ZC3HAV1: variants seen among roughly 807,000 people sequenced by gnomAD.
ZC3HAV1 encodes the protein zinc finger CCCH-type containing, antiviral 1, also known as zinc finger CCCH-type antiviral protein 1.
In ZC3HAV1, 41 loss-of-function variants were observed where a neutral mutation model predicts 86.6. That is an observed-to-expected ratio of 0.47 (90% CI 0.37 to 0.61). The LOEUF is 0.61. Ranked by LOEUF, ZC3HAV1 falls within the 20% of genes least tolerant of loss-of-function variation. ZC3HAV1 has a pLI of 0.00. For missense variants in ZC3HAV1, 964 were observed against 1,141.1 expected (o/e 0.84, Z 2.24); for synonymous variants, 421 against 432.1 (o/e 0.97, Z 0.32).
At chr7:139,069,228 G>A (rs1484853746) in intron 7 of ZC3HAV1, among the ~76,000 whole-genome samples, 1 of 152,162 alleles carries the variant, frequency 6.6e-6, no homozygotes, top group Non-Finnish European at 1.5e-5. Context: ...ATGTGTCCTA[G>A]AGAACAGTAC....
At chr7:139,077,012 G>T in intron 5 of ZC3HAV1, among the ~76,000 whole-genome samples, 1 of 151,892 alleles carries the variant, frequency 6.6e-6, no homozygotes, top group Admixed American at 6.5e-5. Flanking sequence ...CCCCCCAAGT[G>T]TATGAAGCCA....
intron 1 of ZC3HAV1, among the ~76,000 whole-genome samples, chr7:139,104,697 T>TG (rs1258938680): frequency 3.0e-5 from 3 of 99,004 alleles, no homozygotes; most frequent in African/African-American, 4.2e-5. Flanking sequence ...CACTCCAGCC[T>TG]GGCAACAGAG....
intron 1 of ZC3HAV1, among the ~76,000 whole-genome samples, chr7:139,104,477 G>T (rs1817867085): frequency 6.6e-6 from 1 of 151,852 alleles, no homozygotes; most frequent in African/African-American, 2.4e-5. Flanking sequence ...ACTTTGGGAG[G>T]CTGAGGTGGG....
chr7:139,060,929 C>T (rs764834146), intron 9 of ZC3HAV1, 107 bp downstream of exon 9: 1 of 1,597,604 alleles, frequency 6.3e-7, no homozygotes, highest in South Asian at 1.1e-5. Context: ...GTAATGCAAA[C>T]AGGAACTTTT....
intron 7 of ZC3HAV1, among the ~76,000 whole-genome samples, chr7:139,068,318 C>T (rs1816668610): frequency 6.6e-6 from 1 of 152,126 alleles, no homozygotes; most frequent in Non-Finnish European, 1.5e-5. Flanking sequence ...CCTCAGCCTC[C>T]CAAAGTGCTG....
Position 139,069,306 on chromosome 7 carries a change from G to A in ZC3HAV1, c.1873-4307C>T, listed in dbSNP as rs188875050. ...CAATTATTTATTCCCCACAAGACTT[G>A]AATTTATGTTTCAGTTGCAGTAAAC... is the stretch of plus-strand genomic sequence containing the variant. On this transcript the variant is annotated intron_variant, in intron 7 of 12. Coordinates refer to ENST00000242351, the MANE Select transcript of ZC3HAV1 (RefSeq NM_020119.4). Among the ~76,000 whole-genome samples, 170 of 152,286 alleles carry A rather than the reference G, an allele frequency of 1.1e-3. 1 individual carries two copies. The highest frequency in any genetic ancestry group is 3.8e-3 in the African/African-American group (160 of 41,572).
intron 12 of ZC3HAV1, among the ~76,000 whole-genome samples, chr7:139,050,952 T>A (rs76560371): frequency 0.024 from 3,618 of 152,332 alleles, 74 homozygotes; most frequent in African/African-American, 0.055. Context: ...TTGTTCCATT[T>A]CTCCCTTCTC....
intron 1 of ZC3HAV1, among the ~76,000 whole-genome samples, chr7:139,106,523 A>G (rs1817940968): frequency 6.6e-6 from 1 of 152,192 alleles, no homozygotes; most frequent in Non-Finnish European, 1.5e-5. Context: ...CTGAGGCAGT[A>G]GAATTGCTTG....
In ZC3HAV1 at chr7:139,109,533, A is replaced by C; in HGVS notation, c.-202T>G. On this transcript the variant is annotated 5_prime_UTR_variant, in exon 1 of 13. Coordinates refer to ENST00000242351, the MANE Select transcript of ZC3HAV1 (RefSeq NM_020119.4). ...CTCTCAGGTCAAGAGGCTAGATCTC[A>C]CCGACCGGGTCCTAGTGGCAGGTTT... is the stretch of plus-strand genomic sequence containing the variant. The C allele has an allele frequency of 1.0e-4, 62 of 596,578 alleles. No individual in the cohort carries two copies. The highest frequency in any genetic ancestry group is 1.3e-4 in the Non-Finnish European group (48 of 367,054). The allele number at this position is 596,578 out of a possible 1,614,324, so 37.0% of individuals were successfully genotyped here.
intron 11 of ZC3HAV1, 60 bp downstream of exon 11, chr7:139,053,905 C>A: frequency 6.5e-7 from 1 of 1,547,652 alleles, no homozygotes; most frequent in African/African-American, 1.4e-5. Context: ...TCTCAAAGGA[C>A]GGATATTAAC....
At chr7:139,076,555 TC>T in intron 5 of ZC3HAV1, 146 bp from the exon 6 acceptor site, 1 of 1,074,356 alleles carries the variant, frequency 9.3e-7, no homozygotes, top group Non-Finnish European at 1.3e-6. Context: ...CTGCTGTGTG[TC>T]CATTATCCAG....
intron 3 of ZC3HAV1, among the ~76,000 whole-genome samples, chr7:139,080,866 G>C (rs111671965): frequency 6.6e-6 from 1 of 152,168 alleles, no homozygotes; most frequent in Non-Finnish European, 1.5e-5. Flanking sequence ...TGATACGGGT[G>C]TACCTGGCTA....
chr7:139,060,390 G>A, intron 9 of ZC3HAV1: 1 of 987,190 alleles, frequency 1.0e-6, no homozygotes, highest in Non-Finnish European at 1.2e-6. Context: ...GAGTTACAAT[G>A]AATCCCCCAC....
intron 12 of ZC3HAV1, among the ~76,000 whole-genome samples, chr7:139,052,787 G>A (rs1289840628): frequency 6.6e-6 from 1 of 151,446 alleles, no homozygotes; most frequent in Non-Finnish European, 1.5e-5. Context: ...AAATTAGCTG[G>A]ATGTGGTGGC....
At chr7:139,097,428 A>ATATATATATATATATTTT in intron 1 of ZC3HAV1, among the ~76,000 whole-genome samples, 1 of 48,160 alleles carries the variant, frequency 2.1e-5, no homozygotes, top group Non-Finnish European at 3.3e-5. Context: ...ATATATATAT[A>ATATATATATATATATTTT]TTTTTTTTTT....
chr7:139,085,294 C>T (rs961591510), intron 2 of ZC3HAV1, among the ~76,000 whole-genome samples: 1 of 152,150 alleles, frequency 6.6e-6, no homozygotes, highest in African/African-American at 2.4e-5. Flanking sequence ...TATTCCCACG[C>T]CGATATTAAG....
intron 8 of ZC3HAV1, 53 bp downstream of exon 8, chr7:139,064,826 A>G: frequency 1.2e-6 from 2 of 1,613,580 alleles, no homozygotes; most frequent in Non-Finnish European, 1.7e-6. Flanking sequence ...TCCCACGTGT[A>G]CACTGCAGGC....
At chr7:139,056,995 A>AAT (rs1159534912) in intron 9 of ZC3HAV1, among the ~76,000 whole-genome samples, 1 of 152,154 alleles carries the variant, frequency 6.6e-6, no homozygotes, top group African/African-American at 2.4e-5. Context: ...GAAGACACCT[A>AAT]ATATATATAC....
At chr7:139,091,225 C>A (rs1043795555) in intron 1 of ZC3HAV1, among the ~76,000 whole-genome samples, 1 of 152,192 alleles carries the variant, frequency 6.6e-6, no homozygotes, top group South Asian at 2.1e-4. Flanking sequence ...GCAGGCCAGG[C>A]GCGGTGGCTC....
Sources: allele counts gnomAD v4.1 joint callset (sites outside exome capture counted in the v4.1 genomes callset), GRCh38; gene constraint gnomAD v4.1.1; transcripts MANE v1.5; gene names NCBI Gene and HGNC (gene_info 2026-07-23, HGNC 2026-07-21).